The following PARM1 variants were observed in gnomAD, a reference collection of about 807,000 sequenced individuals.
The protein encoded by PARM1 is prostate androgen-regulated mucin-like protein 1.
In PARM1, 14 loss-of-function variants were observed where a neutral mutation model predicts 24.6. The ratio of observed to expected loss-of-function variants is 0.57; its 90% CI spans 0.38 to 0.89. The LOEUF (loss-of-function observed/expected upper bound fraction) is 0.89, where lower values mean the gene tolerates loss of function less well. PARM1 is among the 40% of genes least tolerant of loss of function. PARM1 has a pLI of 0.00. For synonymous variants in PARM1, 179 were observed against 156.6 expected, an observed-to-expected ratio of 1.14 and a Z score of -1.07; for missense variants, 362 against 380.4, an observed-to-expected ratio of 0.95 and a Z score of 0.40.
chr4:74,935,362 G>A (rs1435305070), intron 1 of PARM1, among the ~76,000 whole-genome samples: 2 of 152,038 alleles, frequency 1.3e-5, no homozygotes, highest in South Asian at 2.1e-4. Flanking sequence ...TAAATCGTCC[G>A]AAAAAATAAT....
In PARM1 at chr4:74,933,356, G is replaced by A. The variant is rs1721107100; in HGVS notation, c.29G>A (p.Cys10Tyr). MVYKTLFAL[C>Y]ILTAGWRVQS... ...GTCTACAAGACTCTCTTCGCTCTTT[G>A]CATCTTAACTGCAGGTAATTGGCGC... Residue 10 changes from cysteine to tyrosine, a missense_variant, in exon 1 of 4, where the codon TGC becomes TAC. Physicochemically the swap from Cys to Tyr is radical, Grantham distance 194. Coordinates refer to ENST00000307428, the MANE Select transcript of PARM1 (RefSeq NM_015393.4). The A allele has an allele frequency of 6.2e-7, 1 of 1,612,690 alleles. No individual in the cohort carries two copies. Among genetic ancestry groups the A allele is most frequent in the African/African-American group, 1.3e-5 (1 of 74,898 alleles).
rs532986646 is a variant in PARM1 at position 75,023,649 on chromosome 4, G to A, written c.770-10234G>A. ...AAAAGCATAGTCCAAAAAGTATAAA[G>A]GAGAAAAATAGCTATGTTCACATCT... On this transcript the variant is annotated intron_variant, in intron 2 of 3. Coordinates refer to ENST00000307428, the MANE Select transcript of PARM1 (RefSeq NM_015393.4). 1.2e-3 allele frequency among the ~76,000 whole-genome samples: 190 copies of A among 152,244 alleles called. 3 individuals are homozygous for A. Among genetic ancestry groups the A allele is most frequent in the Non-Finnish European group, 3.7e-4 (25 of 68,018 alleles).
At chr4:75,013,360 C>T (rs1722918252) in intron 2 of PARM1, among the ~76,000 whole-genome samples, 2 of 152,152 alleles carry the variant, frequency 1.3e-5, no homozygotes, top group Non-Finnish European at 2.9e-5. Context: ...CCTTTATGAC[C>T]TGTTTTCACA....
chr4:74,983,533 GGTCACCATGACT>G (rs1722298754), intron 1 of PARM1, among the ~76,000 whole-genome samples: 1 of 152,130 alleles, frequency 6.6e-6, no homozygotes, highest in Admixed American at 6.5e-5. Flanking sequence ...TGGCTATTCT[GGTCACCATGACT>G]GGACCTGATT....
chr4:74,979,658 C>A (rs1722210916), intron 1 of PARM1, among the ~76,000 whole-genome samples: 1 of 151,644 alleles, frequency 6.6e-6, no homozygotes, highest in African/African-American at 2.4e-5. Context: ...GACACAACAA[C>A]AACACAAAGG....
At chr4:74,973,239 G>T (rs1578034745) in intron 1 of PARM1, among the ~76,000 whole-genome samples, 1 of 151,934 alleles carries the variant, frequency 6.6e-6, no homozygotes, top group South Asian at 2.1e-4. Context: ...TTTCACAGTG[G>T]TACACATTAT....
rs570888808 is a variant in PARM1 at position 74,960,143 on chromosome 4, T to A, written c.43+26773T>A. On this transcript the variant is annotated intron_variant, in intron 1 of 3. Transcript: ENST00000307428. ...TCCTACAAAAACTGGAGATATATAT[T>A]CTGATTGCTGATTGCTGTGTCTAAT... 1.3e-4 allele frequency among the ~76,000 whole-genome samples: 20 copies of A among 152,326 alleles called. No homozygotes were observed. In the East Asian group the frequency reaches 3.9e-3, roughly 29 times the overall value.
intron 1 of PARM1, among the ~76,000 whole-genome samples, chr4:74,943,830 C>A (rs941804244): frequency 5.9e-5 from 9 of 152,160 alleles, no homozygotes; most frequent in African/African-American, 1.9e-4. Context: ...CCAGTTAAGT[C>A]TGAGAAATTT....
intron 2 of PARM1, among the ~76,000 whole-genome samples, chr4:75,013,881 C>T (rs1443176282): frequency 6.6e-6 from 1 of 152,050 alleles, no homozygotes; most frequent in Non-Finnish European, 1.5e-5. Flanking sequence ...AATCAAGGGC[C>T]CTTTCTGAGG....
intron 1 of PARM1, chr4:74,955,907 G>C (rs535292553): frequency 6.6e-6 from 1 of 152,124 alleles, no homozygotes; most frequent in East Asian, 1.9e-4. Flanking sequence ...TCAGTATTTT[G>C]GAAGCTACTT....
At chr4:75,044,983 T>C (rs1723572313) in intron 3 of PARM1, among the ~76,000 whole-genome samples, 1 of 152,196 alleles carries the variant, frequency 6.6e-6, no homozygotes, top group South Asian at 2.1e-4. Context: ...TTCCACAGGG[T>C]TCCTCCCACA....
intron 3 of PARM1, among the ~76,000 whole-genome samples, chr4:75,037,878 T>C (rs192769755): frequency 6.6e-6 from 1 of 152,350 alleles, no homozygotes; most frequent in Non-Finnish European, 1.5e-5. Flanking sequence ...GCAGAGTAAC[T>C]GGAGAGACTA....
intron 1 of PARM1, among the ~76,000 whole-genome samples, chr4:74,974,987 A>T (rs1469252005): frequency 6.6e-6 from 1 of 152,134 alleles, no homozygotes; most frequent in Non-Finnish European, 1.5e-5. Flanking sequence ...TGTGGGCAAA[A>T]AATTTTTTGT....
intron 1 of PARM1, among the ~76,000 whole-genome samples, chr4:74,998,549 A>G (rs894796530): frequency 6.6e-6 from 1 of 152,214 alleles, no homozygotes; most frequent in African/African-American, 2.4e-5. Context: ...TACATAAAGC[A>G]TGGCTCCCCA....
chr4:75,033,614 C>A (rs1261660929), intron 2 of PARM1, among the ~76,000 whole-genome samples: 1 of 152,154 alleles, frequency 6.6e-6, no homozygotes, highest in Non-Finnish European at 1.5e-5. Context: ...TGACTAAGTA[C>A]TCCTCTCTAA....
chr4:75,022,877 C>T (rs1006159653), intron 2 of PARM1, among the ~76,000 whole-genome samples: 1 of 152,170 alleles, frequency 6.6e-6, no homozygotes, highest in Non-Finnish European at 1.5e-5. Flanking sequence ...AGAGTCAAGT[C>T]AGGAATATTG....
At chr4:74,980,395 A>G (rs1184720626) in intron 1 of PARM1, among the ~76,000 whole-genome samples, 1 of 152,144 alleles carries the variant, frequency 6.6e-6, no homozygotes, top group Non-Finnish European at 1.5e-5. Context: ...AATACCTCGG[A>G]ATACAGTTAA....
chr4:75,044,857 T>C (rs1321418298), intron 3 of PARM1, among the ~76,000 whole-genome samples: 1 of 151,862 alleles, frequency 6.6e-6, no homozygotes, highest in Admixed American at 6.6e-5. Context: ...CAGCAGGCAA[T>C]AAAAAAGAAA....
At chr4:74,953,915 C>CT (rs1278012243) in intron 1 of PARM1, among the ~76,000 whole-genome samples, 1 of 152,180 alleles carries the variant, frequency 6.6e-6, no homozygotes, top group Non-Finnish European at 1.5e-5. Context: ...CTATCTCTCT[C>CT]TTGGCAAGTC....
Sources: gnomAD v4.1 joint callset for allele counts (sites outside exome capture counted in the v4.1 genomes callset) on GRCh38, gnomAD v4.1.1 for gene constraint, MANE v1.5 for transcripts, NCBI Gene and HGNC (gene_info 2026-07-23, HGNC 2026-07-21) for gene names.